SEPTIN10: variants seen among roughly 807,000 people sequenced by gnomAD.
The protein encoded by SEPTIN10 is septin 10, also known as septin-10.
In SEPTIN10, 66 loss-of-function variants were observed where a neutral mutation model predicts 54.8. That is an observed-to-expected ratio of 1.21 (90% CI 0.99 to 1.48). The LOEUF is 1.48. Among genes scored for constraint, SEPTIN10 ranks in the 40% most tolerant of loss-of-function variants. SEPTIN10 has a pLI of 0.00. For missense variants in SEPTIN10, 620 were observed against 545.6 expected (o/e 1.14, Z -1.36); for synonymous variants, 161 against 181.0 (o/e 0.89, Z 0.89).
At chr2:109,571,597 A>C (rs1287522700) in intron 5 of SEPTIN10, among the ~76,000 whole-genome samples, 1 of 152,202 alleles carries the variant, frequency 6.6e-6, no homozygotes, top group Non-Finnish European at 1.5e-5. Flanking sequence ...AATAAGGTAT[A>C]ATCTTATGGG....
chr2:109,567,696 A>G (rs72938253), intron 6 of SEPTIN10, 119 bp downstream of exon 6: 48,713 of 1,022,954 alleles, frequency 0.048, 3,138 homozygotes, highest in Admixed American at 0.27. Context: ...TTGAAAATTC[A>G]CCTTGTTTGA....
intron 5 of SEPTIN10, among the ~76,000 whole-genome samples, chr2:109,570,143 T>G (rs1688017822): frequency 1.3e-5 from 2 of 152,198 alleles, no homozygotes; most frequent in Non-Finnish European, 2.9e-5. Flanking sequence ...CTGTCTAGTT[T>G]GTACAATAGA....
At chr2:109,580,036 G>C (rs1182834945) in intron 4 of SEPTIN10, among the ~76,000 whole-genome samples, 2 of 151,900 alleles carry the variant, frequency 1.3e-5, no homozygotes, top group East Asian at 3.9e-4. Flanking sequence ...CAGGAGAATC[G>C]TCTGAACCTG....
At chr2:109,551,988 C>T (rs879308445) in intron 9 of SEPTIN10, among the ~76,000 whole-genome samples, 3 of 152,234 alleles carry the variant, frequency 2.0e-5, no homozygotes, top group Admixed American at 6.5e-5. Context: ...CTGTTAGGAA[C>T]TGGGCTACAC....
intron 2 of SEPTIN10, among the ~76,000 whole-genome samples, chr2:109,590,082 GTATATATATACACACATATA>G (rs1426197653): frequency 2.1e-4 from 30 of 145,246 alleles, no homozygotes; most frequent in African/African-American, 7.3e-4. Flanking sequence ...ACATATATAT[GTATATATATACACACATATA>G]TATGTATGTA....
At chr2:109,553,853 CAAA>C (rs796185454) in intron 8 of SEPTIN10, among the ~76,000 whole-genome samples, 18 of 105,462 alleles carry the variant, frequency 1.7e-4, no homozygotes, top group African/African-American at 7.1e-5. Flanking sequence ...GACTCTGTCT[CAAA>C]AAAAAAAAAA....
intron 4 of SEPTIN10, among the ~76,000 whole-genome samples, chr2:109,578,415 G>A (rs1056377525): frequency 1.3e-5 from 2 of 152,170 alleles, no homozygotes; most frequent in Non-Finnish European, 2.9e-5. Flanking sequence ...AGGTCACTAC[G>A]TAATAATAAA....
At chr2:109,580,113 TTCCA>T (rs1462761364) in intron 4 of SEPTIN10, among the ~76,000 whole-genome samples, 1 of 151,792 alleles carries the variant, frequency 6.6e-6, no homozygotes, top group Admixed American at 6.6e-5. Flanking sequence ...AAGAGTGAAG[TTCCA>T]TCTTAAAAAA....
At chr2:109,560,154 T>C (rs987367648) in intron 8 of SEPTIN10, among the ~76,000 whole-genome samples, 1 of 152,114 alleles carries the variant, frequency 6.6e-6, no homozygotes, top group Admixed American at 6.5e-5. Flanking sequence ...TCTCCTGACC[T>C]CGTGATCCGC....
In SEPTIN10 at chr2:109,548,775, C is replaced by CAAAAA. The variant is rs57096452; in HGVS notation, c.1162-2543_1162-2539dup. 1.9e-4 allele frequency among the ~76,000 whole-genome samples: 12 copies of CAAAAA among 63,596 alleles called. 1 individual carries two copies. Among genetic ancestry groups the CAAAAA allele is most frequent in the East Asian group, 4.0e-4 (1 of 2,506 alleles). 41.7% of individuals were successfully genotyped at this position (63,596 alleles called of 152,430 possible). A position where few individuals can be genotyped will look rare whatever the true frequency, so the allele number is the denominator to read the frequency against. On this transcript the variant is annotated intron_variant, in intron 9 of 10. Transcript: ENST00000397712. ...TGGGCCACAGAGTTAGGCTCCATCT[C>CAAAAA]AAAAAAAAAAAAAAAAAAAAAAAAA...
At chr2:109,598,471 T>C (rs923079677) in intron 1 of SEPTIN10, among the ~76,000 whole-genome samples, 1 of 152,208 alleles carries the variant, frequency 6.6e-6, no homozygotes, top group African/African-American at 2.4e-5. Context: ...TGGGATTCTA[T>C]GAGGTCTTTT....
Position 109,585,108 on chromosome 2 carries a change from C to T in SEPTIN10, c.413+18G>A. 2 of 1,472,052 alleles carry T rather than the reference C, an allele frequency of 1.4e-6. No homozygotes were observed. Among genetic ancestry groups the T allele is most frequent in the Non-Finnish European group, 1.8e-6 (2 of 1,099,316 alleles). The allele number at this position is 1,472,052 out of a possible 1,614,324, so 91.2% of individuals were successfully genotyped here. Reference sequence around the variant, plus strand: ...GAAATAAGAAAAACTTGTTTTATTACAAGAAGAAAACACATACCTCTCTTC... The same window carrying T: ...GAAATAAGAAAAACTTGTTTTATTATAAGAAGAAAACACATACCTCTCTTC... On this transcript the variant is annotated intron_variant, in intron 4 of 10. Transcript: ENST00000397712.
At chr2:109,545,200 T>G in intron 10 of SEPTIN10, 1 of 984,996 alleles carries the variant, frequency 1.0e-6, no homozygotes, top group East Asian at 1.1e-4. Flanking sequence ...TGAGGCAGAG[T>G]CCCCCAAATG....
In SEPTIN10 at chr2:109,544,157, G is replaced by C; in HGVS notation, c.*152C>G. Reference sequence around the variant, plus strand: ...TGGCTTATGTATTGACCTTGTACTTGAAAGTACTTTTCCATAAATATCAGT... The same window carrying C: ...TGGCTTATGTATTGACCTTGTACTTCAAAGTACTTTTCCATAAATATCAGT... On this transcript the variant is annotated 3_prime_UTR_variant, in exon 11 of 11. Coordinates refer to ENST00000397712, the MANE Select transcript of SEPTIN10 (RefSeq NM_144710.5). 1.3e-6 allele frequency: 2 copies of C among 1,560,416 alleles called. No homozygotes were observed. Among genetic ancestry groups the C allele is most frequent in the Non-Finnish European group, 1.7e-6 (2 of 1,154,782 alleles).
intron 1 of SEPTIN10, among the ~76,000 whole-genome samples, chr2:109,604,406 A>AAAAG (rs1399238194): frequency 1.6e-5 from 1 of 64,480 alleles, no homozygotes; most frequent in South Asian, 6.6e-4. Flanking sequence ...GGGCGGGGAG[A>AAAAG]AAAGAAAGAA....
At chr2:109,603,267 C>T (rs913248283) in intron 1 of SEPTIN10, among the ~76,000 whole-genome samples, 3 of 151,594 alleles carry the variant, frequency 2.0e-5, no homozygotes, top group Admixed American at 6.6e-5. Flanking sequence ...GACAGTCTCA[C>T]TGTGTCACCC....
chr2:109,547,812 C>T (rs889917804), intron 9 of SEPTIN10, among the ~76,000 whole-genome samples: 16 of 152,234 alleles, frequency 1.1e-4, no homozygotes, highest in African/African-American at 2.9e-4. Context: ...AGTAAGCACT[C>T]GATAAATATT....
chr2:109,564,794 C>T (rs1044073719), intron 7 of SEPTIN10, among the ~76,000 whole-genome samples: 10 of 151,906 alleles, frequency 6.6e-5, no homozygotes, highest in African/African-American at 2.4e-4. Context: ...CAGGAAATAC[C>T]AAAAAAGACA....
chr2:109,611,634 C>A (rs1251747377), intron 1 of SEPTIN10, among the ~76,000 whole-genome samples: 2 of 151,384 alleles, frequency 1.3e-5, no homozygotes, highest in Admixed American at 6.6e-5. Flanking sequence ...GTGGTGCACA[C>A]CTATAGTCCT....
Sources: allele counts gnomAD v4.1 joint callset (sites outside exome capture counted in the v4.1 genomes callset), GRCh38; gene constraint gnomAD v4.1.1; transcripts MANE v1.5; gene names NCBI Gene and HGNC (gene_info 2026-07-23, HGNC 2026-07-21).